Variants in KCNK3 observed in about 807,000 individuals in gnomAD.
KCNK3 encodes the protein potassium two pore domain channel subfamily K member 3.
In KCNK3, 9 loss-of-function variants were observed where a neutral mutation model predicts 27.3. The observed-to-expected ratio is 0.33, with a 90% confidence interval of 0.20 to 0.57. The LOEUF (loss-of-function observed/expected upper bound fraction) is 0.57. KCNK3 is among the 20% of genes least tolerant of loss of function. The pLI is 0.87. For missense variants in KCNK3, 391 were observed against 577.7 expected, an observed-to-expected ratio of 0.68 and a Z score of 3.31; for synonymous variants, 278 against 273.8, an observed-to-expected ratio of 1.02 and a Z score of -0.15.
intron 1 of KCNK3, among the ~76,000 whole-genome samples, chr2:26,695,246 G>A (rs1018863982): frequency 6.6e-6 from 1 of 151,964 alleles, no homozygotes; most frequent in African/African-American, 2.4e-5. Flanking sequence ...GAGAGAAAGA[G>A]TCTCACTCTG....
At position 26,728,550 on chromosome 2, in the gene KCNK3, G is replaced by A; in HGVS notation, c.1167G>A (p.Lys389=). 1 of 1,460,254 alleles carries A rather than the reference G, an allele frequency of 6.8e-7. No individual in the cohort carries two copies. The highest frequency in any genetic ancestry group is 1.5e-5 in the South Asian group (1 of 68,640). 90.5% of individuals were successfully genotyped at this position (1,460,254 alleles called of 1,614,324 possible). A position where few individuals can be genotyped will look rare whatever the true frequency, so the allele number is the denominator to read the frequency against. ...TGTCCACCTTCCGCGGCCTCATGAA[G>A]CGCAGGAGCTCCGTGTGACTGCCCC... is the stretch of plus-strand genomic sequence containing the variant. The part of the protein sequence containing the change: ...HSLSTFRGLM[K]RRSSV Residue 389 remains lysine (K), a synonymous_variant, in exon 2 of 2, where the codon AAG becomes AAA. Transcript: ENST00000302909.
chr2:26,700,414 C>T (rs1279561902), intron 1 of KCNK3, among the ~76,000 whole-genome samples: 3 of 152,228 alleles, frequency 2.0e-5, no homozygotes, highest in Non-Finnish European at 4.4e-5. Flanking sequence ...GCCAGCATCC[C>T]CAAGCTACTG....
chr2:26,718,118 C>T (rs184723984), intron 1 of KCNK3, among the ~76,000 whole-genome samples: 30 of 152,144 alleles, frequency 2.0e-4, no homozygotes, highest in Admixed American at 8.5e-4. Context: ...TTGGATCCTC[C>T]GCTTCCCTCT....
At chr2:26,723,893 G>A (rs1250990686) in intron 1 of KCNK3, among the ~76,000 whole-genome samples, 1 of 152,240 alleles carries the variant, frequency 6.6e-6, no homozygotes, top group Non-Finnish European at 1.5e-5. Flanking sequence ...CAGGTACTGC[G>A]AGAGAGGGTC....
intron 1 of KCNK3, among the ~76,000 whole-genome samples, chr2:26,718,616 C>CTTTTTTTTT (rs56355301): frequency 6.7e-6 from 1 of 150,022 alleles, no homozygotes. Flanking sequence ...TGTGAATACA[C>CTTTTTTTTT]TTTTTTTTTT....
rs1226524746 is a variant in KCNK3, at chr2:26,728,580, G to A, written c.*12G>A. On this transcript the variant is annotated 3_prime_UTR_variant, in exon 2 of 2. Coordinates refer to ENST00000302909, the MANE Select transcript of KCNK3 (RefSeq NM_002246.3). ...GGAGCTCCGTGTGACTGCCCCGAGGGGCCTGGAGCACCTGGGGGCGCGGGC... is the reference window on the plus strand; with the variant it reads ...GGAGCTCCGTGTGACTGCCCCGAGGAGCCTGGAGCACCTGGGGGCGCGGGC... The A allele has an allele frequency of 4.9e-6, 7 of 1,431,542 alleles. No homozygotes were observed. The highest frequency in any genetic ancestry group is 6.4e-6 in the Non-Finnish European group (7 of 1,092,468). 88.7% of individuals were successfully genotyped at this position (1,431,542 alleles called of 1,614,324 possible).
intron 1 of KCNK3, among the ~76,000 whole-genome samples, chr2:26,704,568 C>T (rs558293980): frequency 5.4e-4 from 82 of 152,282 alleles, no homozygotes; most frequent in African/African-American, 1.9e-3. Context: ...TAGGACCATC[C>T]GGGGCTTTCT....
intron 1 of KCNK3, among the ~76,000 whole-genome samples, chr2:26,717,344 T>C (rs541634340): frequency 1.7e-4 from 26 of 152,262 alleles, no homozygotes; most frequent in South Asian, 1.7e-3. Context: ...CTTTAGGAGA[T>C]TGTGGCAAGG....
intron 1 of KCNK3, among the ~76,000 whole-genome samples, chr2:26,696,019 G>C (rs929827593): frequency 3.9e-5 from 6 of 152,246 alleles, no homozygotes; most frequent in Non-Finnish European, 8.8e-5. Flanking sequence ...TCAGATGGTA[G>C]AAAGGGGCCT....
At chr2:26,718,783 T>A (rs1413852318) in intron 1 of KCNK3, among the ~76,000 whole-genome samples, 3 of 56,034 alleles carry the variant, frequency 5.4e-5, no homozygotes, top group Non-Finnish European at 1.3e-4. Flanking sequence ...TAATTTTTCG[T>A]TTTTTTCTAG....
At chr2:26,725,197 C>T (rs1663394667) in intron 1 of KCNK3, among the ~76,000 whole-genome samples, 1 of 152,134 alleles carries the variant, frequency 6.6e-6, no homozygotes, top group African/African-American at 2.4e-5. Context: ...GCCCTGCCCC[C>T]AGGCCCATGC....
Position 26,727,808 on chromosome 2 carries a change from G to T in KCNK3, c.425G>T (p.Arg142Leu), listed in dbSNP as rs549690582. 1 of 1,611,188 alleles carries T rather than the reference G, an allele frequency of 6.2e-7. No individual in the cohort carries two copies. Among genetic ancestry groups the T allele is most frequent in the Admixed American group, 1.7e-5 (1 of 59,962 alleles). The stretch of plus-strand genomic sequence containing the variant: ...ACCTTGGTGAGGTACCTGCTGCACC[G>T]CGCCAAGAAGGGGCTGGGCATGCGG... ...INTLVRYLLH[R>L]AKKGLGMRRA... is the part of the protein sequence containing the mutation. The change falls in exon 2 of 2, where the codon CGC becomes CTC. Residue 142 changes from arginine (R) to leucine (L), a missense_variant. Coordinates refer to ENST00000302909, the MANE Select transcript of KCNK3 (RefSeq NM_002246.3).
chr2:26,723,017 C>T (rs1663352395), intron 1 of KCNK3, among the ~76,000 whole-genome samples: 1 of 152,186 alleles, frequency 6.6e-6, no homozygotes, highest in East Asian at 1.9e-4. Context: ...GCCTCCTAGC[C>T]CCATGCTCTT....
intron 1 of KCNK3, among the ~76,000 whole-genome samples, chr2:26,709,644 C>G (rs1405989826): frequency 1.3e-5 from 2 of 152,146 alleles, no homozygotes; most frequent in African/African-American, 4.8e-5. Flanking sequence ...TGAGGTGGAA[C>G]AGTGAGGCCA....
At chr2:26,711,092 T>C (rs531272761) in intron 1 of KCNK3, among the ~76,000 whole-genome samples, 1 of 152,294 alleles carries the variant, frequency 6.6e-6, no homozygotes, top group African/African-American at 2.4e-5. Flanking sequence ...GGGTTCTTGC[T>C]GCACTGAAGC....
intron 1 of KCNK3, among the ~76,000 whole-genome samples, chr2:26,699,241 GAAAGAAAGAA>G (rs1376275583): frequency 4.8e-4 from 73 of 150,886 alleles, no homozygotes; most frequent in African/African-American, 1.7e-3. Context: ...AAGAAAGAAA[GAAAGAAAGAA>G]AGCCAGCCAA....
chr2:26,703,867 C>T (rs1231883726), intron 1 of KCNK3, among the ~76,000 whole-genome samples: 1 of 152,166 alleles, frequency 6.6e-6, no homozygotes, highest in African/African-American at 2.4e-5. Context: ...GAGCTTTCTG[C>T]GGTGAGCATG....
chr2:26,709,911 C>A (rs996218176), intron 1 of KCNK3, among the ~76,000 whole-genome samples: 1 of 152,276 alleles, frequency 6.6e-6, no homozygotes, highest in African/African-American at 2.4e-5. Flanking sequence ...CCAGCTCCGC[C>A]TGCCTTACCC....
At chr2:26,712,135 C>G (rs1360195075) in intron 1 of KCNK3, among the ~76,000 whole-genome samples, 1 of 152,116 alleles carries the variant, frequency 6.6e-6, no homozygotes. Flanking sequence ...TCAGGATGGC[C>G]GAGGCCACTG....
Sources: allele counts gnomAD v4.1 joint callset (sites outside exome capture counted in the v4.1 genomes callset), GRCh38; gene constraint gnomAD v4.1.1; transcripts MANE v1.5; gene names NCBI Gene and HGNC (gene_info 2026-07-23, HGNC 2026-07-21).